The following PRKCE variants were observed in gnomAD, a reference collection of about 807,000 sequenced individuals.
PRKCE encodes the protein protein kinase C epsilon, also known as protein kinase C epsilon type.
A neutral mutation model predicts 85.4 loss-of-function variants in PRKCE; 16 were observed. The observed-to-expected ratio is 0.19, with a 90% CI of 0.13 to 0.28. The LOEUF (loss-of-function observed/expected upper bound fraction) is 0.28, where lower values mean the gene tolerates loss of function less well. Among genes scored for constraint, PRKCE ranks in the 10% least tolerant of loss-of-function variants. The probability of loss-of-function intolerance (pLI) is 1.00; values close to 1 mark genes in which losing one functional copy is unlikely to be tolerated. For synonymous variants in PRKCE, 388 were observed against 371.5 expected, an observed-to-expected ratio of 1.04 and a Z score of -0.51; for missense variants, 573 against 975.2, an observed-to-expected ratio of 0.59 and a Z score of 5.49.
Position 45,739,694 on chromosome 2 carries a change from T to TG in PRKCE, c.348+87251dup, listed in dbSNP as rs553736998. Among the ~76,000 whole-genome samples, 74 of 151,972 alleles carry TG rather than the reference T, an allele frequency of 4.9e-4. 1 individual carries two copies. The South Asian group carries it at 6.2e-3, about 13-fold the overall frequency. Reference sequence around the variant, plus strand: ...AGATCAATGGCTGCCAGGAGTGGGGTGGGGGTACAAGATTGAGTACAAAGG... The same window carrying TG: ...AGATCAATGGCTGCCAGGAGTGGGGTGGGGGGTACAAGATTGAGTACAAAGG... On this transcript the variant is annotated intron_variant, in intron 1 of 14. Coordinates refer to ENST00000306156, the MANE Select transcript of PRKCE (RefSeq NM_005400.3).
intron 1 of PRKCE, among the ~76,000 whole-genome samples, chr2:45,733,149 C>T (rs1313492564): frequency 1.3e-5 from 2 of 152,206 alleles, no homozygotes; most frequent in African/African-American, 4.8e-5. Flanking sequence ...GAGTTTACTC[C>T]TCTCTCAGAA....
chr2:45,899,746 G>T (rs966542805), intron 2 of PRKCE, among the ~76,000 whole-genome samples: 1 of 152,278 alleles, frequency 6.6e-6, no homozygotes, highest in African/African-American at 2.4e-5. Context: ...CTCAGAAGTG[G>T]CTGGGCCTGT....
At chr2:45,829,368 A>C (rs1690214013) in intron 1 of PRKCE, among the ~76,000 whole-genome samples, 1 of 152,192 alleles carries the variant, frequency 6.6e-6, no homozygotes, top group Non-Finnish European at 1.5e-5. Context: ...TGGAGCTTCT[A>C]TTCAAGGTGG....
At chr2:45,689,018 A>C (rs1029704189) in intron 1 of PRKCE, among the ~76,000 whole-genome samples, 7 of 152,226 alleles carry the variant, frequency 4.6e-5, no homozygotes, top group Non-Finnish European at 1.0e-4. Flanking sequence ...AACACAAGGA[A>C]AAATGAACAA....
intron 11 of PRKCE, among the ~76,000 whole-genome samples, chr2:46,122,557 A>G (rs1486729160): frequency 6.6e-6 from 1 of 152,186 alleles, no homozygotes; most frequent in African/African-American, 2.4e-5. Context: ...AACTGACCTT[A>G]GTGATGAAAT....
intron 14 of PRKCE, among the ~76,000 whole-genome samples, chr2:46,181,132 A>G (rs1019278530): frequency 6.6e-6 from 1 of 152,170 alleles, no homozygotes; most frequent in Non-Finnish European, 1.5e-5. Flanking sequence ...TCTGTGCGGG[A>G]GGTAGCAGCT....
intron 2 of PRKCE, among the ~76,000 whole-genome samples, chr2:45,943,512 A>G (rs1195713003): frequency 2.0e-5 from 3 of 152,234 alleles, no homozygotes; most frequent in African/African-American, 7.2e-5. Context: ...ATTTAGTTTT[A>G]CAAGATTAAC....
intron 2 of PRKCE, among the ~76,000 whole-genome samples, chr2:45,882,939 G>A (rs976340492): frequency 6.6e-6 from 1 of 152,262 alleles, no homozygotes; most frequent in Admixed American, 6.5e-5. Flanking sequence ...GAAATGCAAA[G>A]GCTTGACACG....
At chr2:45,684,661 T>G (rs924940768) in intron 1 of PRKCE, among the ~76,000 whole-genome samples, 2 of 152,238 alleles carry the variant, frequency 1.3e-5, no homozygotes, top group Non-Finnish European at 2.9e-5. Flanking sequence ...TTCCTGCATC[T>G]GGGCGCCTAG....
intron 12 of PRKCE, among the ~76,000 whole-genome samples, chr2:46,146,300 A>G (rs1025519157): frequency 3.3e-5 from 5 of 152,278 alleles, no homozygotes; most frequent in African/African-American, 4.8e-5. Context: ...AACATCGCCC[A>G]TGGCGGATAG....
chr2:46,006,779 G>A (rs1254855762), intron 8 of PRKCE, among the ~76,000 whole-genome samples: 6 of 152,194 alleles, frequency 3.9e-5, no homozygotes, highest in South Asian at 4.1e-4. Flanking sequence ...AGACTGTCTC[G>A]TAGTTGAGAA....
chr2:45,954,275 C>T (rs1166062463), intron 2 of PRKCE, among the ~76,000 whole-genome samples: 1 of 152,152 alleles, frequency 6.6e-6, no homozygotes, highest in Non-Finnish European at 1.5e-5. Context: ...CTAATGGCTT[C>T]CTTATCACTA....
intron 11 of PRKCE, among the ~76,000 whole-genome samples, chr2:46,107,922 G>A (rs1671887652): frequency 1.3e-5 from 2 of 152,004 alleles, no homozygotes; most frequent in South Asian, 4.1e-4. Flanking sequence ...TATTGTTGAG[G>A]GTTTTGTTTT....
At chr2:46,034,365 T>C (rs528353115) in intron 10 of PRKCE, among the ~76,000 whole-genome samples, 1 of 152,158 alleles carries the variant, frequency 6.6e-6, no homozygotes, top group African/African-American at 2.4e-5. Flanking sequence ...TAATAAATGA[T>C]AGTGGTGATT....
intron 10 of PRKCE, among the ~76,000 whole-genome samples, chr2:46,019,276 C>A (rs1574247036): frequency 6.6e-6 from 1 of 152,132 alleles, no homozygotes; most frequent in Admixed American, 6.5e-5. Context: ...ACTTCGGTTT[C>A]TTGCCAAATC....
chr2:46,031,091 T>C (rs1487756975), intron 10 of PRKCE, among the ~76,000 whole-genome samples: 1 of 152,224 alleles, frequency 6.6e-6, no homozygotes, highest in African/African-American at 2.4e-5. Flanking sequence ...ACTGAAGCAA[T>C]GGATTAGAGT....
intron 10 of PRKCE, among the ~76,000 whole-genome samples, chr2:46,061,748 C>A (rs1190861666): frequency 6.6e-6 from 1 of 152,134 alleles, no homozygotes; most frequent in Admixed American, 6.5e-5. Flanking sequence ...AATCAAAGTA[C>A]CCTGGAGATG....
chr2:46,101,943 C>CCAGTTTCA (rs1401898845), intron 11 of PRKCE, among the ~76,000 whole-genome samples: 2 of 151,518 alleles, frequency 1.3e-5, no homozygotes, highest in Non-Finnish European at 2.9e-5. Flanking sequence ...CTCCCTGGGG[C>CCAGTTTCA]CAGTTTCAGG....
chr2:46,017,023 C>T (rs201362667), intron 10 of PRKCE, among the ~76,000 whole-genome samples: 3 of 147,264 alleles, frequency 2.0e-5, no homozygotes, highest in Admixed American at 6.7e-5. Context: ...TTCACTCCCC[C>T]TTTTTTTTTT....
Sources: gnomAD v4.1 joint callset for allele counts (sites outside exome capture counted in the v4.1 genomes callset) on GRCh38, gnomAD v4.1.1 for gene constraint, MANE v1.5 for transcripts, NCBI Gene and HGNC (gene_info 2026-07-23, HGNC 2026-07-21) for gene names.